USP7: variants seen among roughly 807,000 people sequenced by gnomAD.
USP7 encodes ubiquitin C-terminal hydrolase 7.
USP7 carries 9 observed loss-of-function variants against 162.9 expected under a neutral mutation model. That is an observed-to-expected ratio of 0.06 (90% CI 0.03 to 0.10). The LOEUF is 0.10. Ranked by LOEUF, USP7 falls within the 10% of genes least tolerant of loss-of-function variation. The pLI, the probability that USP7 is intolerant of heterozygous loss-of-function variation, is 1.00. For missense variants in USP7, 715 were observed against 1,373.7 expected (o/e 0.52, Z 7.58); for synonymous variants, 562 against 475.9 (o/e 1.18, Z -2.35).
At chr16:8,899,954 AG>A (rs2061747868) in intron 21 of USP7, 197 bp from the exon 22 acceptor site, 1 of 655,026 alleles carries the variant, frequency 1.5e-6, no homozygotes, top group East Asian at 2.7e-5. Flanking sequence ...GGATGCACTG[AG>A]CCAGGCGCAA....
intron 6 of USP7, 53 bp downstream of exon 6, chr16:8,918,978 C>T: frequency 6.3e-7 from 1 of 1,586,240 alleles, no homozygotes. Context: ...TCTGATATAC[C>T]TGAGAAGAAA....
At chr16:8,914,218 A>G (rs868002990) in intron 10 of USP7, among the ~76,000 whole-genome samples, 1 of 152,096 alleles carries the variant, frequency 6.6e-6, no homozygotes, top group African/African-American at 2.4e-5. Flanking sequence ...AAGGAAATAC[A>G]AACTAAAATG....
At chr16:8,911,546 G>A (rs570552810) in intron 10 of USP7, among the ~76,000 whole-genome samples, 2 of 152,330 alleles carry the variant, frequency 1.3e-5, no homozygotes, top group Admixed American at 6.5e-5. Flanking sequence ...AAACAGCGCT[G>A]TCACGCTCCG....
At chr16:8,959,132 T>C (rs8057254) in intron 1 of USP7, among the ~76,000 whole-genome samples, 1 of 151,932 alleles carries the variant, frequency 6.6e-6, no homozygotes, top group Non-Finnish European at 1.5e-5. Context: ...GCGATTCCAG[T>C]CTCACAACAA....
At chr16:8,920,214 A>G (rs925852286) in intron 5 of USP7, 145 bp downstream of exon 5, 1 of 661,046 alleles carries the variant, frequency 1.5e-6, no homozygotes, top group African/African-American at 1.8e-5. Flanking sequence ...AGTGTCAAGC[A>G]GGTGTGACTC....
chr16:8,922,057 A>C (rs987778299), intron 3 of USP7, among the ~76,000 whole-genome samples: 1 of 152,214 alleles, frequency 6.6e-6, no homozygotes, highest in Non-Finnish European at 1.5e-5. Context: ...AAAGTGCTTC[A>C]GGCTAAAGTT....
Position 8,904,549 on chromosome 16 carries a change from C to T in USP7, c.1590G>A (p.Ala530=), listed in dbSNP as rs755588601. The T allele has an allele frequency of 5.0e-6, 8 of 1,613,890 alleles. No homozygotes were observed. Among genetic ancestry groups the T allele is most frequent in the East Asian group, 2.2e-5 (1 of 44,890 alleles). ...GCTGAGGAATATCATGGTCGGTGACCGCCTGTAAAACTTCACCTGCAGGAC... is the reference window on the plus strand; with the variant it reads ...GCTGAGGAATATCATGGTCGGTGACTGCCTGTAAAACTTCACCTGCAGGAC... ...RESKLSEVLQ[A]VTDHDIPQQL... Residue 530 remains alanine, a synonymous_variant, in exon 15 of 31, where the codon GCG becomes GCA. Transcript: ENST00000344836.
At position 8,963,188 on chromosome 16, in the gene USP7, G is replaced by C. The variant is rs1390689149; in HGVS notation, c.79+19C>G. 7.1e-7 allele frequency: 1 copy of C among 1,403,640 alleles called. No homozygotes were observed. Among genetic ancestry groups the C allele is most frequent in the Non-Finnish European group, 9.4e-7 (1 of 1,068,952 alleles). 86.9% of individuals were successfully genotyped at this position (1,403,640 alleles called of 1,614,324 possible). A position where few individuals can be genotyped will look rare whatever the true frequency, so the allele number is the denominator to read the frequency against. On this transcript the variant is annotated intron_variant, in intron 1 of 30. Transcript: ENST00000344836. ...AAAGGCGCCCCCCGGCCCCGCCGCG[G>C]CCGGCCCTCGGGCCTCACCTTCCAT...
intron 3 of USP7, among the ~76,000 whole-genome samples, chr16:8,921,771 CA>C (rs970724852): frequency 7.9e-5 from 12 of 152,106 alleles, no homozygotes; most frequent in African/African-American, 2.9e-4. Flanking sequence ...CGATGAGGCA[CA>C]AAATTACAAC....
Position 8,893,954 on chromosome 16 carries a change from G to C in USP7, c.*44C>G. 6.3e-7 allele frequency: 1 copy of C among 1,579,042 alleles called. No individual in the cohort carries two copies. The highest frequency in any genetic ancestry group is 8.7e-7 in the Non-Finnish European group (1 of 1,147,944). Reference sequence around the variant, plus strand: ...CACCAAAGTTCTAGGCTGTTAAGGGGCCACCCACACACCGTCCTCGCCTTG... The same window carrying C: ...CACCAAAGTTCTAGGCTGTTAAGGGCCCACCCACACACCGTCCTCGCCTTG... On this transcript the variant is annotated 3_prime_UTR_variant, in exon 31 of 31. Transcript: ENST00000344836.
At chr16:8,925,205 T>C (rs1217784166) in intron 2 of USP7, among the ~76,000 whole-genome samples, 1 of 152,192 alleles carries the variant, frequency 6.6e-6, no homozygotes, top group East Asian at 1.9e-4. Context: ...AGGATTTTAA[T>C]ATCCAAGATT....
chr16:8,922,969 T>G (rs1722450261), intron 3 of USP7, among the ~76,000 whole-genome samples: 1 of 152,250 alleles, frequency 6.6e-6, no homozygotes, highest in Non-Finnish European at 1.5e-5. Flanking sequence ...AATGGTCAGC[T>G]AATCCAGGCC....
At chr16:8,935,078 T>G (rs367661939) in intron 1 of USP7, among the ~76,000 whole-genome samples, 1 of 152,240 alleles carries the variant, frequency 6.6e-6, no homozygotes, top group African/African-American at 2.4e-5. Flanking sequence ...ATGTACAACA[T>G]TGGCATGCAC....
intron 18 of USP7, 131 bp downstream of exon 18, chr16:8,901,951 T>C (rs2061781514): frequency 6.5e-6 from 5 of 768,774 alleles, no homozygotes; most frequent in South Asian, 3.5e-5. Context: ...GGAAGTCTAG[T>C]GAGCTTTTGT....
intron 1 of USP7, among the ~76,000 whole-genome samples, chr16:8,953,599 CGG>C (rs1567248279): frequency 2.2e-4 from 10 of 46,334 alleles, no homozygotes; most frequent in African/African-American, 8.4e-4. Context: ...GCGGCGCCAC[CGG>C]AAGCAGAGGG....
intron 13 of USP7, 152 bp from the exon 14 acceptor site, chr16:8,905,483 G>C (rs566573567): frequency 2.1e-6 from 2 of 956,482 alleles, no homozygotes; most frequent in Non-Finnish European, 3.1e-6. Context: ...CACACAATCT[G>C]ACGGTGTGCT....
chr16:8,892,774 A>C lies in USP7; in HGVS notation c.*1224T>G, dbSNP rs982739579. 1.3e-5 allele frequency: 2 copies of C among 152,258 alleles called. No homozygotes were observed. Among genetic ancestry groups the C allele is most frequent in the African/African-American group, 4.8e-5 (2 of 41,468 alleles). 9.4% of individuals were successfully genotyped at this position (152,258 alleles called of 1,614,324 possible). A position where few individuals can be genotyped will look rare whatever the true frequency, so the allele number is the denominator to read the frequency against. ...CCACTTCCACGTAACTCACTGAATTATAATTTTTATAGAAAATTTTATTCA... is the reference window on the plus strand; with the variant it reads ...CCACTTCCACGTAACTCACTGAATTCTAATTTTTATAGAAAATTTTATTCA... On this transcript the variant is annotated 3_prime_UTR_variant, in exon 31 of 31. Transcript: ENST00000344836.
At chr16:8,894,735 G>C (rs367885959) in intron 29 of USP7, 49 bp downstream of exon 29, 1 of 1,613,942 alleles carries the variant, frequency 6.2e-7, no homozygotes, top group Non-Finnish European at 8.5e-7. Context: ...CGCTAGGCAA[G>C]GCTTGAGCCT....
chr16:8,899,969 A>G, intron 21 of USP7: 1 of 623,140 alleles, frequency 1.6e-6, no homozygotes, highest in Non-Finnish European at 2.8e-6. Context: ...GGCGCAATGT[A>G]GTGGCTTTAC....
Sources: gnomAD v4.1 joint callset for allele counts (sites outside exome capture counted in the v4.1 genomes callset) on GRCh38, gnomAD v4.1.1 for gene constraint, MANE v1.5 for transcripts, NCBI Gene and HGNC (gene_info 2026-07-23, HGNC 2026-07-21) for gene names.